Variants in PPP1R7 observed in about 807,000 individuals in gnomAD.
PPP1R7 encodes protein phosphatase 1 regulatory subunit 7.
A neutral mutation model predicts 45.2 loss-of-function variants in PPP1R7; 18 were observed. The ratio of observed to expected loss-of-function variants is 0.40; its 90% CI spans 0.28 to 0.59. PPP1R7 has a LOEUF of 0.59. PPP1R7 is among the 20% of genes least tolerant of loss of function. The pLI is 0.46. For missense variants in PPP1R7, 314 were observed against 455.8 expected (o/e 0.69, Z 2.83); for synonymous variants, 181 against 183.4 (o/e 0.99, Z 0.11).
intron 5 of PPP1R7, 69 bp from the exon 6 acceptor site, chr2:241,160,263 T>G: frequency 2.2e-5 from 27 of 1,204,582 alleles, no homozygotes; most frequent in Admixed American, 8.1e-5. Flanking sequence ...CCTTTAGTGG[T>G]TAAATTGTGA....
chr2:241,150,270 C>T, upstream of PPP1R7: 1 of 1,320,186 alleles, frequency 7.6e-7, no homozygotes. Flanking sequence ...TTCTCGCCTC[C>T]AGACTGTTCC....
rs367687343 is a variant in PPP1R7 at position 241,157,877 on chromosome 2, T to A, written c.237+15T>A. ...GAGATGCAGAGGTAATGCCGCCTGC[T>A]CAGCCCAGCCTTGGGCGTGGTGATG... On this transcript the variant is annotated intron_variant, in intron 3 of 9. Coordinates refer to ENST00000234038, the MANE Select transcript of PPP1R7 (RefSeq NM_002712.3). 3 of 1,611,874 alleles carry A rather than the reference T, an allele frequency of 1.9e-6. No individual in the cohort carries two copies. The African/African-American group carries it at 4.0e-5, about 22-fold the overall frequency.
intron 9 of PPP1R7, among the ~76,000 whole-genome samples, chr2:241,178,768 G>A (rs746200246): frequency 1.0e-5 from 1 of 96,840 alleles, no homozygotes; most frequent in Non-Finnish European, 2.2e-5. Flanking sequence ...CCATCCCCAC[G>A]GACAGCTCTC....
chr2:241,150,419 G>T (rs1365134107), upstream of PPP1R7: 1 of 1,414,060 alleles, frequency 7.1e-7, no homozygotes, highest in African/African-American at 1.5e-5. Context: ...CATTGGCAGG[G>T]CCGGCTCTGA....
At position 241,173,817 on chromosome 2, in the gene PPP1R7, C is replaced by G. The variant is rs554448807; in HGVS notation, c.906+3950C>G. Among the ~76,000 whole-genome samples the G allele has an allele frequency of 2.1e-4, 32 of 151,770 alleles. 1 individual carries two copies. The highest frequency in any genetic ancestry group is 2.1e-3 in the Admixed American group (32 of 15,254). On this transcript the variant is annotated intron_variant, in intron 9 of 9. Transcript: ENST00000234038. ...GTTGTTAAATCTTCAAGATCATGAT[C>G]TTATCATCTGTAGTAGCCTATCTGC...
chr2:241,158,697 T>G (rs894800080), intron 4 of PPP1R7, 148 bp downstream of exon 4: 3 of 732,350 alleles, frequency 4.1e-6, no homozygotes, highest in Admixed American at 4.2e-5. Context: ...CTTTCTTTAC[T>G]GGGAGCACAG....
At chr2:241,169,689 C>T in intron 8 of PPP1R7, 92 bp from the exon 9 acceptor site, 1 of 1,053,672 alleles carries the variant, frequency 9.5e-7, no homozygotes, top group East Asian at 2.4e-5. Context: ...GCACCTGCAG[C>T]CCTAAGGTCA....
upstream of PPP1R7, chr2:241,150,254 C>G (rs950032386): frequency 2.3e-6 from 3 of 1,293,082 alleles, no homozygotes; most frequent in Admixed American, 3.9e-5. Context: ...TGCTTTCCTT[C>G]CCAGCTTCTC....
intron 1 of PPP1R7, among the ~76,000 whole-genome samples, chr2:241,153,137 T>C (rs2067361545): frequency 6.6e-6 from 1 of 152,232 alleles, no homozygotes; most frequent in Non-Finnish European, 1.5e-5. Flanking sequence ...TGAAAGGCAC[T>C]CAGGAGGTGC....
intron 9 of PPP1R7, among the ~76,000 whole-genome samples, chr2:241,179,441 A>G (rs1177613126): frequency 6.6e-6 from 1 of 152,236 alleles, no homozygotes; most frequent in Admixed American, 6.5e-5. Flanking sequence ...CTAACCAAGC[A>G]TTCATACCTA....
chr2:241,162,347 A>G (rs1231349260), intron 6 of PPP1R7, among the ~76,000 whole-genome samples: 1 of 152,218 alleles, frequency 6.6e-6, no homozygotes, highest in Admixed American at 6.5e-5. Flanking sequence ...TGAAATATTT[A>G]AAGAATGACT....
chr2:241,156,784 G>T (rs551906348), intron 2 of PPP1R7, among the ~76,000 whole-genome samples: 1 of 152,202 alleles, frequency 6.6e-6, no homozygotes. Context: ...GAAATGTTAA[G>T]ACAGTTGAGG....
In PPP1R7 at chr2:241,183,079, T is replaced by C. The variant is rs2068034904; in HGVS notation, c.*256T>C. ...GCCACAGAGAGAACATAAGACACGTTGCGTTCATTCGCTAGAAATCCCTGT... is the reference window on the plus strand; with the variant it reads ...GCCACAGAGAGAACATAAGACACGTCGCGTTCATTCGCTAGAAATCCCTGT... On this transcript the variant is annotated 3_prime_UTR_variant, in exon 10 of 10. Transcript: ENST00000234038. 3.8e-6 allele frequency: 2 copies of C among 528,050 alleles called. No individual in the cohort carries two copies. Among genetic ancestry groups the C allele is most frequent in the East Asian group, 6.6e-5 (2 of 30,112 alleles). The allele number at this position is 528,050 out of a possible 1,614,324, so 32.7% of individuals were successfully genotyped here.
chr2:241,167,005 G>C, intron 8 of PPP1R7: 1 of 1,591,522 alleles, frequency 6.3e-7, no homozygotes, highest in Non-Finnish European at 8.6e-7. Flanking sequence ...GTCCTCACCT[G>C]TTCATGCTCC....
intron 9 of PPP1R7, among the ~76,000 whole-genome samples, chr2:241,179,287 A>G (rs2067961442): frequency 6.6e-6 from 1 of 152,190 alleles, no homozygotes. Context: ...TTGCAAAGGG[A>G]AAGCATGTTC....
Position 241,159,209 on chromosome 2 carries a change from C to T in PPP1R7, c.304-4C>T. ...TGTCAATTGTCCCTTTTCCCATCCC[C>T]CAGACTCTCTGCCTCCGCCAAAATT... On this transcript the variant is annotated splice_polypyrimidine_tract_variant and splice_region_variant and intron_variant, in intron 4 of 9. Coordinates refer to ENST00000234038, the MANE Select transcript of PPP1R7 (RefSeq NM_002712.3). 1.2e-6 allele frequency: 2 copies of T among 1,613,012 alleles called. No individual in the cohort carries two copies. The highest frequency in any genetic ancestry group is 1.7e-6 in the Non-Finnish European group (2 of 1,179,302).
At chr2:241,159,390 G>A (rs776175619) in intron 5 of PPP1R7, 47 bp downstream of exon 5, 67 of 1,600,934 alleles carry the variant, frequency 4.2e-5, no homozygotes, top group Non-Finnish European at 2.6e-5. Context: ...GAAGGCCACT[G>A]GGTGGGGGGT....
chr2:241,154,024 A>G (rs1226708537), intron 2 of PPP1R7, among the ~76,000 whole-genome samples: 8 of 151,712 alleles, frequency 5.3e-5, no homozygotes, highest in African/African-American at 1.9e-4. Context: ...TACAAAAAAT[A>G]CAAAAATTAG....
intron 6 of PPP1R7, among the ~76,000 whole-genome samples, chr2:241,160,796 C>T (rs553922745): frequency 6.6e-6 from 1 of 152,366 alleles, no homozygotes; most frequent in East Asian, 1.9e-4. Flanking sequence ...ACCAACCAAC[C>T]TGAATGCCTT....
Sources: gnomAD v4.1 joint callset for allele counts (sites outside exome capture counted in the v4.1 genomes callset) on GRCh38, gnomAD v4.1.1 for gene constraint, MANE v1.5 for transcripts, NCBI Gene and HGNC (gene_info 2026-07-23, HGNC 2026-07-21) for gene names.